The following EYS variants were observed in gnomAD, a reference collection of about 807,000 sequenced individuals.
EYS encodes EGF-like photoreceptor maintenance factor.
Under a neutral mutation model 282.1 loss-of-function variants are expected in EYS, and 250 were observed. The ratio of observed to expected loss-of-function variants is 0.89; its 90% CI spans 0.80 to 0.98. The LOEUF (loss-of-function observed/expected upper bound fraction) is 0.98, where lower values mean the gene tolerates loss of function less well. Among genes scored for constraint, EYS ranks in the 50% least tolerant of loss-of-function variants. EYS has a pLI of 0.00. For synonymous variants in EYS, 1,355 were observed against 1,282.9 expected, an observed-to-expected ratio of 1.06 and a Z score of -1.20; for missense variants, 4,016 against 3,709.0, an observed-to-expected ratio of 1.08 and a Z score of -2.15.
At chr6:65,072,914 A>C (rs1049061703) in intron 12 of EYS, among the ~76,000 whole-genome samples, 9 of 151,598 alleles carry the variant, frequency 5.9e-5, no homozygotes, top group African/African-American at 2.2e-4. Flanking sequence ...ATTTGAATTA[A>C]AAGACTCCCT....
intron 24 of EYS, among the ~76,000 whole-genome samples, chr6:64,600,406 G>C (rs971117333): frequency 2.0e-5 from 3 of 151,940 alleles, no homozygotes; most frequent in Non-Finnish European, 4.4e-5. Context: ...ATATTCTGAA[G>C]ATATCATTTA....
intron 2 of EYS, among the ~76,000 whole-genome samples, chr6:65,533,297 T>C (rs1307211705): frequency 6.6e-6 from 1 of 151,866 alleles, no homozygotes; most frequent in Non-Finnish European, 1.5e-5. Context: ...AAGTTGAATC[T>C]CTGAATAGAC....
intron 22 of EYS, among the ~76,000 whole-genome samples, chr6:64,768,292 CT>C (rs1773416339): frequency 1.3e-5 from 2 of 151,730 alleles, no homozygotes; most frequent in Non-Finnish European, 2.9e-5. Flanking sequence ...GAGAAATTTC[CT>C]TTTTTTGAAA....
chr6:63,781,321 T>A (rs913732029), intron 39 of EYS, among the ~76,000 whole-genome samples: 4 of 152,172 alleles, frequency 2.6e-5, no homozygotes, highest in African/African-American at 4.8e-5. Flanking sequence ...TGACATTAAA[T>A]CTATAAATTA....
intron 31 of EYS, among the ~76,000 whole-genome samples, chr6:64,115,436 C>A (rs1287770368): frequency 6.6e-6 from 1 of 152,116 alleles, no homozygotes. Context: ...AAGAAGGATC[C>A]TTTTGGCCAT....
chr6:65,630,323 G>A (rs753339469), intron 2 of EYS, among the ~76,000 whole-genome samples: 1 of 152,164 alleles, frequency 6.6e-6, no homozygotes, highest in East Asian at 1.9e-4. Flanking sequence ...ATTTTAGTTA[G>A]ATACTAAGAT....
chr6:63,762,030 TG>T (rs1399501763), intron 41 of EYS, among the ~76,000 whole-genome samples: 2 of 151,994 alleles, frequency 1.3e-5, no homozygotes, highest in Non-Finnish European at 2.9e-5. Flanking sequence ...CTACTTGACT[TG>T]GGGCCATTTC....
At chr6:65,618,905 G>C (rs1766341269) in intron 2 of EYS, among the ~76,000 whole-genome samples, 1 of 152,072 alleles carries the variant, frequency 6.6e-6, no homozygotes, top group Non-Finnish European at 1.5e-5. Context: ...CTGTTCCATT[G>C]ATCTATATCT....
At position 64,811,351 on chromosome 6, in the gene EYS, C is replaced by T. The variant is rs371008308; in HGVS notation, c.3443+2027G>A. On this transcript the variant is annotated intron_variant, in intron 22 of 42. Coordinates refer to ENST00000503581, the MANE Select transcript of EYS (RefSeq NM_001142800.2). ...TTTATAGCAGTAATGAATGCCTATG[C>T]TTATCCCTGGGAAATATGCCAGGAA... 2.6e-5 allele frequency among the ~76,000 whole-genome samples: 4 copies of T among 151,664 alleles called. No individual in the cohort carries two copies. The East Asian group carries it at 5.8e-4, about 22-fold the overall frequency.
intron 39 of EYS, among the ~76,000 whole-genome samples, chr6:63,786,729 G>T (rs1295848277): frequency 6.6e-6 from 1 of 151,890 alleles, no homozygotes; most frequent in Non-Finnish European, 1.5e-5. Context: ...AAAAATATAT[G>T]GTGGCTTCCA....
intron 35 of EYS, among the ~76,000 whole-genome samples, chr6:63,937,673 G>T (rs560203533): frequency 6.6e-6 from 1 of 151,912 alleles, no homozygotes; most frequent in African/African-American, 2.4e-5. Flanking sequence ...GAGCCACCGC[G>T]CCTGGCCAGG....
chr6:64,530,179 T>G (rs977894894), intron 26 of EYS, among the ~76,000 whole-genome samples: 2 of 152,120 alleles, frequency 1.3e-5, no homozygotes, highest in African/African-American at 4.8e-5. Context: ...CTAACACTGA[T>G]AAGTAAAATA....
intron 13 of EYS, among the ~76,000 whole-genome samples, chr6:65,006,399 T>TTCAG (rs1771658418): frequency 6.6e-6 from 1 of 150,568 alleles, no homozygotes; most frequent in Non-Finnish European, 1.5e-5. Flanking sequence ...GCCAAATGCA[T>TTCAG]TCAGTCAGTC....
At chr6:63,982,931 T>C (rs1413454705) in intron 35 of EYS, among the ~76,000 whole-genome samples, 1 of 151,874 alleles carries the variant, frequency 6.6e-6, no homozygotes. Context: ...GAGAAGGTTT[T>C]TTCCCGTTTC....
chr6:64,769,346 C>T (rs1220512312), intron 22 of EYS, among the ~76,000 whole-genome samples: 1 of 152,042 alleles, frequency 6.6e-6, no homozygotes, highest in Non-Finnish European at 1.5e-5. Context: ...TAAATGAGCA[C>T]AGCTGTATTT....
At chr6:64,703,429 A>ATATTTTTTTTG (rs869208549) in intron 22 of EYS, among the ~76,000 whole-genome samples, 2 of 23,366 alleles carry the variant, frequency 8.6e-5, no homozygotes, top group African/African-American at 1.9e-4. Context: ...ATATATATAT[A>ATATTTTTTTTG]TTTTTTTTTT....
At chr6:63,906,639 G>A (rs1238430647) in intron 35 of EYS, among the ~76,000 whole-genome samples, 2 of 152,058 alleles carry the variant, frequency 1.3e-5, no homozygotes, top group African/African-American at 2.4e-5. Flanking sequence ...TTACATTTTA[G>A]CATTATTTAA....
chr6:65,490,786 T>C, intron 4 of EYS, 79 bp from the exon 5 acceptor site: 1 of 775,740 alleles, frequency 1.3e-6, no homozygotes, highest in South Asian at 1.5e-5. Context: ...TCTTTAATAA[T>C]GAAAATATCA....
At chr6:64,018,512 C>CA (rs1769003318) in intron 33 of EYS, among the ~76,000 whole-genome samples, 1 of 151,982 alleles carries the variant, frequency 6.6e-6, no homozygotes, top group African/African-American at 2.4e-5. Context: ...AGCCGAATAG[C>CA]AAAAAATTTT....
Sources: gnomAD v4.1 joint callset for allele counts (sites outside exome capture counted in the v4.1 genomes callset) on GRCh38, gnomAD v4.1.1 for gene constraint, MANE v1.5 for transcripts, NCBI Gene and HGNC (gene_info 2026-07-23, HGNC 2026-07-21) for gene names.